Variants in TTLL11 observed in about 807,000 individuals in gnomAD.
TTLL11 encodes the protein tubulin polyglutamylase TTLL11.
TTLL11 carries 42 observed loss-of-function variants against 51.7 expected under a neutral mutation model. The ratio of observed to expected loss-of-function variants is 0.81; its 90% CI spans 0.64 to 1.05. TTLL11 has a LOEUF of 1.05. Ranked by LOEUF, TTLL11 falls within the 50% of genes least tolerant of loss-of-function variation. The probability of loss-of-function intolerance (pLI) is 0.00; values close to 1 mark genes in which losing one functional copy is unlikely to be tolerated. For missense variants in TTLL11, 799 were observed against 940.4 expected (o/e 0.85, Z 1.97); for synonymous variants, 381 against 383.5 (o/e 0.99, Z 0.08).
At chr9:121,939,074 G>T (rs1411076849) in intron 6 of TTLL11, among the ~76,000 whole-genome samples, 3 of 152,184 alleles carry the variant, frequency 2.0e-5, no homozygotes, top group Admixed American at 6.5e-5. Context: ...TGAGAGACAC[G>T]TATAAGGACA....
At chr9:122,051,469 C>G (rs1261703409) in intron 1 of TTLL11, among the ~76,000 whole-genome samples, 3 of 152,164 alleles carry the variant, frequency 2.0e-5, no homozygotes, top group African/African-American at 4.8e-5. Context: ...TACCACATCG[C>G]CTTTGGCCTA....
intron 6 of TTLL11, among the ~76,000 whole-genome samples, chr9:121,875,441 T>C (rs1482146276): frequency 2.0e-5 from 3 of 152,202 alleles, no homozygotes; most frequent in Non-Finnish European, 2.9e-5. Flanking sequence ...GTTGCTGTAT[T>C]TAGTGGATGA....
intron 3 of TTLL11, among the ~76,000 whole-genome samples, chr9:121,992,947 G>T (rs946421771): frequency 3.3e-5 from 5 of 152,188 alleles, no homozygotes; most frequent in Non-Finnish European, 7.3e-5. Context: ...TCAGCCTTAA[G>T]AAGGAAAGAA....
intron 1 of TTLL11, among the ~76,000 whole-genome samples, chr9:122,071,271 T>C (rs565088810): frequency 3.9e-5 from 6 of 152,270 alleles, no homozygotes; most frequent in Non-Finnish European, 5.9e-5. Context: ...AAATATGTCA[T>C]TGGTTACTTA....
At chr9:121,901,647 C>T (rs1435885604) in intron 6 of TTLL11, among the ~76,000 whole-genome samples, 1 of 151,854 alleles carries the variant, frequency 6.6e-6, no homozygotes, top group African/African-American at 2.4e-5. Flanking sequence ...TATTGCCCTG[C>T]GGGATGGGTT....
Position 122,031,855 on chromosome 9 carries a change from G to C in TTLL11, c.561C>G (p.Gly187=), listed in dbSNP as rs1187345359. The C allele has an allele frequency of 2.5e-6, 4 of 1,612,616 alleles. No individual in the cohort carries two copies. Among genetic ancestry groups the C allele is most frequent in the African/African-American group, 1.3e-5 (1 of 74,906 alleles). Reference sequence around the variant, plus strand: ...TAATTTTACGCACCATCTCCGTCATGCCTGGGGAGAAGAGACGCTGTGAGG... The same window carrying C: ...TAATTTTACGCACCATCTCCGTCATCCCTGGGGAGAAGAGACGCTGTGAGG... The part of the protein sequence containing the change: ...IFSGQVNKFP[G]MTEMVRKITL... The change falls in exon 3 of 9, where the codon GGC becomes GGG. Residue 187 remains glycine, a splice_region_variant and synonymous_variant. Transcript: ENST00000321582.
intron 6 of TTLL11, among the ~76,000 whole-genome samples, chr9:121,917,788 TA>T (rs1840394161): frequency 1.3e-5 from 2 of 152,156 alleles, no homozygotes; most frequent in Admixed American, 1.3e-4. Context: ...ATCTTACATT[TA>T]AATTCTTACA....
At chr9:121,829,171 C>T (rs1836914664) in intron 8 of TTLL11, among the ~76,000 whole-genome samples, 1 of 152,024 alleles carries the variant, frequency 6.6e-6, no homozygotes, top group Non-Finnish European at 1.5e-5. Flanking sequence ...CCAGGCTGGT[C>T]TCAAACTCCT....
At chr9:122,064,851 A>G (rs34844433) in intron 1 of TTLL11, among the ~76,000 whole-genome samples, 3,973 of 152,296 alleles carry the variant, frequency 0.026, 76 homozygotes, top group Non-Finnish European at 0.039. Flanking sequence ...CAGAGGTCTT[A>G]AGATTAGAAC....
chr9:121,898,836 G>A (rs1839643746), intron 6 of TTLL11, among the ~76,000 whole-genome samples: 1 of 152,200 alleles, frequency 6.6e-6, no homozygotes, highest in Non-Finnish European at 1.5e-5. Context: ...ACATCCACGT[G>A]TGCAGCTGAG....
At chr9:121,873,730 C>T (rs1246334850) in intron 6 of TTLL11, among the ~76,000 whole-genome samples, 1 of 151,862 alleles carries the variant, frequency 6.6e-6, no homozygotes, top group East Asian at 1.9e-4. Context: ...ACAACCACAG[C>T]TCACTGTAGC....
At chr9:122,061,140 A>G (rs1410603493) in intron 1 of TTLL11, among the ~76,000 whole-genome samples, 1 of 152,162 alleles carries the variant, frequency 6.6e-6, no homozygotes, top group Admixed American at 6.5e-5. Flanking sequence ...CCGTCTTCAC[A>G]TGGCCCCCCT....
At chr9:122,013,840 A>T (rs147718659) in intron 3 of TTLL11, among the ~76,000 whole-genome samples, 5 of 152,222 alleles carry the variant, frequency 3.3e-5, no homozygotes, top group African/African-American at 1.2e-4. Context: ...TTGTGCTCCA[A>T]CTGAAACCCT....
chr9:121,951,010 C>T (rs1841837693), intron 6 of TTLL11, among the ~76,000 whole-genome samples: 1 of 152,220 alleles, frequency 6.6e-6, no homozygotes, highest in African/African-American at 2.4e-5. Flanking sequence ...CCTGCTCCAT[C>T]TTCTTTCTGG....
chr9:122,041,864 A>G (rs1844852825), intron 1 of TTLL11, among the ~76,000 whole-genome samples: 1 of 152,046 alleles, frequency 6.6e-6, no homozygotes, highest in Non-Finnish European at 1.5e-5. Flanking sequence ...TGGTCTACAG[A>G]TGCAATGCAG....
At chr9:121,959,019 T>C (rs1842121872) in intron 6 of TTLL11, among the ~76,000 whole-genome samples, 1 of 152,162 alleles carries the variant, frequency 6.6e-6, no homozygotes, top group African/African-American at 2.4e-5. Flanking sequence ...CCCAAGGCAC[T>C]TGCACAACTC....
chr9:122,014,308 T>G (rs895969771), intron 3 of TTLL11, among the ~76,000 whole-genome samples: 1 of 151,902 alleles, frequency 6.6e-6, no homozygotes. Context: ...GAGGTTGCAG[T>G]GAGCCGAGAT....
At chr9:121,846,392 AAGGGTAT>A (rs1187906194) in intron 8 of TTLL11, among the ~76,000 whole-genome samples, 2 of 152,220 alleles carry the variant, frequency 1.3e-5, no homozygotes, top group African/African-American at 4.8e-5. Flanking sequence ...GAAAATTGGT[AAGGGTAT>A]AGTTGAACAT....
At chr9:122,051,968 AGGC>A (rs1204511109) in intron 1 of TTLL11, among the ~76,000 whole-genome samples, 2 of 152,212 alleles carry the variant, frequency 1.3e-5, no homozygotes, top group South Asian at 4.1e-4. Flanking sequence ...AGTCCAGAAG[AGGC>A]CAATTAAGAC....
Sources: allele counts gnomAD v4.1 joint callset (sites outside exome capture counted in the v4.1 genomes callset), GRCh38; gene constraint gnomAD v4.1.1; transcripts MANE v1.5; gene names NCBI Gene and HGNC (gene_info 2026-07-23, HGNC 2026-07-21).